SNX9: variants seen among roughly 807,000 people sequenced by gnomAD.
SNX9 encodes the protein sorting nexin 9.
Under a neutral mutation model 89.4 loss-of-function variants are expected in SNX9, and 44 were observed. The observed-to-expected ratio is 0.49, with a 90% CI of 0.39 to 0.63. The LOEUF (loss-of-function observed/expected upper bound fraction) is 0.63. SNX9 is among the 30% of genes least tolerant of loss of function. The probability of loss-of-function intolerance (pLI) is 0.00; values close to 1 mark genes in which losing one functional copy is unlikely to be tolerated. For synonymous variants in SNX9, 236 were observed against 247.8 expected, an observed-to-expected ratio of 0.95 and a Z score of 0.45; for missense variants, 578 against 736.1, an observed-to-expected ratio of 0.79 and a Z score of 2.49.
At chr6:157,870,138 A>AGTGT (rs1404981792) in intron 2 of SNX9, among the ~76,000 whole-genome samples, 2 of 147,546 alleles carry the variant, frequency 1.4e-5, no homozygotes, top group Non-Finnish European at 3.0e-5. Flanking sequence ...CACACATGTG[A>AGTGT]GCACACACAC....
intron 1 of SNX9, among the ~76,000 whole-genome samples, chr6:157,862,934 A>C (rs949566082): frequency 6.6e-6 from 1 of 152,196 alleles, no homozygotes; most frequent in African/African-American, 2.4e-5. Flanking sequence ...TCATGAGGAG[A>C]TACATTGGCT....
At chr6:157,886,573 C>T (rs935091169) in intron 4 of SNX9, among the ~76,000 whole-genome samples, 4 of 152,154 alleles carry the variant, frequency 2.6e-5, no homozygotes, top group African/African-American at 9.7e-5. Context: ...AATGGTTTAC[C>T]ACCAGTTGGT....
At chr6:157,902,895 T>C (rs1038755633) in intron 6 of SNX9, among the ~76,000 whole-genome samples, 17 of 151,702 alleles carry the variant, frequency 1.1e-4, no homozygotes, top group African/African-American at 4.1e-4. Flanking sequence ...CTCAAGCTCC[T>C]GGTCTCAAGT....
chr6:157,904,625 C>T (rs896941379), intron 6 of SNX9, among the ~76,000 whole-genome samples: 10 of 152,010 alleles, frequency 6.6e-5, no homozygotes, highest in South Asian at 2.1e-4. Flanking sequence ...GCAGGATAAT[C>T]GCTTGAACCA....
At chr6:157,917,247 C>G (rs1168183506) in intron 9 of SNX9, among the ~76,000 whole-genome samples, 1 of 151,854 alleles carries the variant, frequency 6.6e-6, no homozygotes, top group Non-Finnish European at 1.5e-5. Flanking sequence ...TCATTGTCAC[C>G]TCTCTTTTTT....
chr6:157,892,543 G>A (rs549603924), intron 4 of SNX9: 1 of 151,830 alleles, frequency 6.6e-6, no homozygotes, highest in South Asian at 2.1e-4. Context: ...CTTAGGTGGA[G>A]AGCTAAGATC....
intron 9 of SNX9, among the ~76,000 whole-genome samples, chr6:157,916,210 A>G (rs1171138537): frequency 1.3e-5 from 2 of 151,574 alleles, no homozygotes; most frequent in Non-Finnish European, 2.9e-5. Context: ...AATTTTTTAT[A>G]TTTTTAGTAG....
chr6:157,859,470 G>C (rs1782075439), intron 1 of SNX9, among the ~76,000 whole-genome samples: 1 of 152,108 alleles, frequency 6.6e-6, no homozygotes, highest in African/African-American at 2.4e-5. Flanking sequence ...GCATAGCCTG[G>C]TTTATTTAAT....
At chr6:157,922,690 A>G (rs892531064) in intron 10 of SNX9, among the ~76,000 whole-genome samples, 2 of 152,214 alleles carry the variant, frequency 1.3e-5, no homozygotes, top group Non-Finnish European at 2.9e-5. Context: ...GTGATATGTT[A>G]TATGTCACCA....
intron 7 of SNX9, among the ~76,000 whole-genome samples, chr6:157,907,203 A>G (rs900072293): frequency 6.6e-6 from 1 of 152,162 alleles, no homozygotes; most frequent in Non-Finnish European, 1.5e-5. Flanking sequence ...AAAATTGAAC[A>G]TGTACCATTA....
chr6:157,919,765 A>G (rs1207721729), intron 9 of SNX9, among the ~76,000 whole-genome samples: 1 of 152,094 alleles, frequency 6.6e-6, no homozygotes, highest in Non-Finnish European at 1.5e-5. Flanking sequence ...AGTATGGTTC[A>G]TATCTTGCTA....
intron 2 of SNX9, among the ~76,000 whole-genome samples, chr6:157,870,272 T>C (rs1312973354): frequency 1.5e-5 from 2 of 137,078 alleles, no homozygotes; most frequent in Non-Finnish European, 3.1e-5. Flanking sequence ...ATCCCCACGC[T>C]CATGCTCTCA....
chr6:157,941,435 A>G (rs955090961), intron 17 of SNX9, among the ~76,000 whole-genome samples: 1 of 152,230 alleles, frequency 6.6e-6, no homozygotes, highest in African/African-American at 2.4e-5. Context: ...GCAGAGAGAA[A>G]ACCAAAAAAG....
chr6:157,875,020 GAA>G (rs760891704), intron 3 of SNX9, 29 bp from the exon 4 acceptor site: 1 of 1,611,452 alleles, frequency 6.2e-7, no homozygotes, highest in South Asian at 1.1e-5. Context: ...CGTAATCTAT[GAA>G]AATAATTGCG....
chr6:157,864,029 T>G (rs1374657213), intron 1 of SNX9, among the ~76,000 whole-genome samples: 2 of 151,960 alleles, frequency 1.3e-5, no homozygotes, highest in African/African-American at 2.4e-5. Flanking sequence ...TCCTTGTCTG[T>G]TTTGTGCTTA....
intron 1 of SNX9, among the ~76,000 whole-genome samples, chr6:157,851,862 T>G (rs1335281872): frequency 1.3e-5 from 2 of 152,232 alleles, no homozygotes; most frequent in Admixed American, 6.5e-5. Flanking sequence ...GTGCTGGGAT[T>G]ACAGGTCTGA....
chr6:157,888,058 A>AC (rs1782774222), intron 4 of SNX9, among the ~76,000 whole-genome samples: 2 of 131,868 alleles, frequency 1.5e-5, no homozygotes, highest in Non-Finnish European at 3.2e-5. Context: ...ACCGGGAGAC[A>AC]TTGTGTTCAC....
At chr6:157,883,640 C>CCAGGCAAACTGATGATTCTCCAAATA (rs1782672928) in intron 4 of SNX9, among the ~76,000 whole-genome samples, 2 of 152,168 alleles carry the variant, frequency 1.3e-5, no homozygotes, top group Admixed American at 1.3e-4. Context: ...GTATTTGTCT[C>CCAGGCAAACTGATGATTCTCCAAATA]CAGGCAAACT....
rs138687825 is a variant in SNX9, at chr6:157,902,009, G to T, written c.584G>T (p.Arg195Leu). ...DAGGAQRGNS[R>L]ASSSSMKIPL... is the part of the protein sequence containing the mutation. ...GGCGGCGCTCAGCGAGGAAACAGTCGTGCTAGTTCCTCATCCATGAAAATT... is the reference window on the plus strand; with the variant it reads ...GGCGGCGCTCAGCGAGGAAACAGTCTTGCTAGTTCCTCATCCATGAAAATT... The change falls in exon 6 of 18, where the codon CGT becomes CTT. Residue 195 changes from arginine (R) to leucine (L), a missense_variant. Arg to Leu is a moderately radical substitution (Grantham distance 102). Around this residue, in one of 2 missense-constraint regions of SNX9, gnomAD observed 230 missense variants for 244.7 expected, o/e 0.94. Transcript: ENST00000392185. 1 of 1,613,504 alleles carries T rather than the reference G, an allele frequency of 6.2e-7. No individual in the cohort carries two copies. Among genetic ancestry groups the T allele is most frequent in the Non-Finnish European group, 8.5e-7 (1 of 1,179,826 alleles).
Sources: allele counts gnomAD v4.1 joint callset (sites outside exome capture counted in the v4.1 genomes callset), GRCh38; gene constraint gnomAD v4.1.1; regional missense constraint gnomAD v4.1.1; transcripts MANE v1.5; gene names NCBI Gene and HGNC (gene_info 2026-07-23, HGNC 2026-07-21).